The following FSTL5 variants were observed in gnomAD, a reference collection of about 807,000 sequenced individuals.
FSTL5 encodes the protein follistatin like 5.
Under a neutral mutation model 89.1 loss-of-function variants are expected in FSTL5, and 62 were observed. That is an observed-to-expected ratio of 0.70 (90% CI 0.57 to 0.86). The LOEUF is 0.86. FSTL5 is among the 40% of genes least tolerant of loss of function. The pLI, the probability that FSTL5 is intolerant of heterozygous loss-of-function variation, is 0.00. For missense variants in FSTL5, 1,057 were observed against 1,001.6 expected, an observed-to-expected ratio of 1.06 and a Z score of -0.75; for synonymous variants, 383 against 346.2, an observed-to-expected ratio of 1.11 and a Z score of -1.18.
At chr4:161,742,242 T>C (rs1456826430) in intron 6 of FSTL5, among the ~76,000 whole-genome samples, 2 of 152,184 alleles carry the variant, frequency 1.3e-5, no homozygotes, top group Non-Finnish European at 2.9e-5. Flanking sequence ...TGATTTCAGG[T>C]TGAGCTTTGC....
At chr4:161,752,056 C>T (rs565725323) in intron 6 of FSTL5, among the ~76,000 whole-genome samples, 2 of 152,098 alleles carry the variant, frequency 1.3e-5, no homozygotes, top group Non-Finnish European at 2.9e-5. Context: ...TTCATGAGCT[C>T]TAGGCCAGAG....
At chr4:161,996,315 A>T (rs1339047866) in intron 3 of FSTL5, among the ~76,000 whole-genome samples, 1 of 152,246 alleles carries the variant, frequency 6.6e-6, no homozygotes, top group Non-Finnish European at 1.5e-5. Flanking sequence ...GCTCTGGCAG[A>T]ACTTGCTTTT....
At chr4:162,091,790 A>G (rs1730559052) in intron 2 of FSTL5, among the ~76,000 whole-genome samples, 1 of 152,114 alleles carries the variant, frequency 6.6e-6, no homozygotes, top group Admixed American at 6.6e-5. Context: ...CCATAAAAAA[A>G]ATTATAATCA....
At chr4:161,596,127 T>G (rs1734004934) in intron 7 of FSTL5, among the ~76,000 whole-genome samples, 1 of 151,932 alleles carries the variant, frequency 6.6e-6, no homozygotes, top group African/African-American at 2.4e-5. Flanking sequence ...CAATATTATC[T>G]CACAGTAGAC....
intron 7 of FSTL5, among the ~76,000 whole-genome samples, chr4:161,600,842 C>T (rs909961883): frequency 5.3e-5 from 8 of 151,656 alleles, no homozygotes; most frequent in Admixed American, 3.3e-4. Context: ...AGTTTCTATC[C>T]AAACAATGAG....
intron 4 of FSTL5, among the ~76,000 whole-genome samples, chr4:161,858,371 T>C (rs1475751364): frequency 6.6e-6 from 1 of 152,158 alleles, no homozygotes; most frequent in Non-Finnish European, 1.5e-5. Flanking sequence ...TGAAGGTCCT[T>C]GACTTACTTG....
At chr4:161,962,916 A>G (rs771938434) in intron 3 of FSTL5, among the ~76,000 whole-genome samples, 25 of 152,156 alleles carry the variant, frequency 1.6e-4, no homozygotes, top group Non-Finnish European at 2.6e-4. Context: ...TGCTAGATTC[A>G]TGATTTTCAC....
chr4:161,991,432 C>T (rs750572603), intron 3 of FSTL5, among the ~76,000 whole-genome samples: 14 of 151,868 alleles, frequency 9.2e-5, no homozygotes, highest in Non-Finnish European at 1.6e-4. Flanking sequence ...GTGATTTGGT[C>T]TAACATTTTA....
chr4:161,443,225 A>C (rs1020938793), intron 15 of FSTL5, among the ~76,000 whole-genome samples: 7 of 152,028 alleles, frequency 4.6e-5, no homozygotes, highest in African/African-American at 1.7e-4. Flanking sequence ...CATTGTGGCC[A>C]GAGAGAACTC....
At chr4:161,833,281 G>A (rs1249296475) in intron 4 of FSTL5, among the ~76,000 whole-genome samples, 1 of 152,064 alleles carries the variant, frequency 6.6e-6, no homozygotes, top group Non-Finnish European at 1.5e-5. Flanking sequence ...TATATTTGCT[G>A]AGGAGAGCTT....
At chr4:161,872,933 G>A (rs538184780) in intron 4 of FSTL5, among the ~76,000 whole-genome samples, 1 of 152,070 alleles carries the variant, frequency 6.6e-6, no homozygotes, top group Admixed American at 6.5e-5. Context: ...TGGAATGAGA[G>A]GGGAAAAAAG....
intron 6 of FSTL5, among the ~76,000 whole-genome samples, chr4:161,673,201 T>G (rs1360574130): frequency 6.6e-6 from 1 of 152,096 alleles, no homozygotes; most frequent in African/African-American, 2.4e-5. Context: ...ATAATGCACA[T>G]GATTCCGCCT....
At chr4:161,783,128 A>G (rs1579089109) in intron 4 of FSTL5, among the ~76,000 whole-genome samples, 1 of 152,214 alleles carries the variant, frequency 6.6e-6, no homozygotes, top group Admixed American at 6.5e-5. Flanking sequence ...TGGAATGTGT[A>G]GCAACCTAAA....
intron 15 of FSTL5, among the ~76,000 whole-genome samples, chr4:161,428,880 G>T (rs907200583): frequency 1.3e-5 from 2 of 152,028 alleles, no homozygotes; most frequent in African/African-American, 4.8e-5. Flanking sequence ...TTTGCTGCTT[G>T]GGGACCAGCT....
chr4:161,891,372 A>C (rs1732983406), intron 4 of FSTL5, among the ~76,000 whole-genome samples: 1 of 152,064 alleles, frequency 6.6e-6, no homozygotes, highest in East Asian at 1.9e-4. Context: ...GACAAATGTT[A>C]CTCTATTTGC....
At chr4:162,148,778 C>T (rs546540933) in intron 1 of FSTL5, among the ~76,000 whole-genome samples, 20 of 152,080 alleles carry the variant, frequency 1.3e-4, no homozygotes, top group Middle Eastern at 3.2e-3. Context: ...CTGAGTCAGG[C>T]ATTATTAACC....
chr4:161,920,790 G>A, intron 3 of FSTL5, 138 bp from the exon 4 acceptor site: 1 of 733,994 alleles, frequency 1.4e-6, no homozygotes, highest in South Asian at 2.0e-5. Flanking sequence ...TTCAGTGGTG[G>A]ACATGCTTAT....
chr4:161,821,854 T>C (rs1296773787), intron 4 of FSTL5, among the ~76,000 whole-genome samples: 1 of 152,188 alleles, frequency 6.6e-6, no homozygotes, highest in Non-Finnish European at 1.5e-5. Flanking sequence ...TGAGCTGGTT[T>C]CATATTTTTG....
At chr4:161,410,198 T>A (rs1337290263) in intron 15 of FSTL5, among the ~76,000 whole-genome samples, 1 of 152,132 alleles carries the variant, frequency 6.6e-6, no homozygotes, top group Non-Finnish European at 1.5e-5. Flanking sequence ...TAAAAATACA[T>A]GCAAACAAAA....
Sources: gnomAD v4.1 joint callset for allele counts (sites outside exome capture counted in the v4.1 genomes callset) on GRCh38, gnomAD v4.1.1 for gene constraint, MANE v1.5 for transcripts, NCBI Gene and HGNC (gene_info 2026-07-23, HGNC 2026-07-21) for gene names.